LTBP1: variants seen among roughly 807,000 people sequenced by gnomAD.
LTBP1 encodes the protein latent-transforming growth factor beta-binding protein 1.
LTBP1 carries 129 observed loss-of-function variants against 207.6 expected under a neutral mutation model. The observed-to-expected ratio is 0.62, with a 90% confidence interval of 0.54 to 0.72. LTBP1 has a LOEUF of 0.72. Ranked by LOEUF, LTBP1 falls within the 30% of genes least tolerant of loss-of-function variation. The pLI, the probability that LTBP1 is intolerant of heterozygous loss-of-function variation, is 0.00. For synonymous variants in LTBP1, 963 were observed against 833.7 expected (o/e 1.16, Z -2.67); for missense variants, 2,281 against 2,217.2 (o/e 1.03, Z -0.58).
chr2:33,193,059 G>A (rs1015864649), intron 7 of LTBP1, among the ~76,000 whole-genome samples: 1 of 152,166 alleles, frequency 6.6e-6, no homozygotes, highest in African/African-American at 2.4e-5. Flanking sequence ...CATAGGAAAT[G>A]TCATTAGATG....
intron 5 of LTBP1, among the ~76,000 whole-genome samples, chr2:33,169,298 C>T (rs2085216985): frequency 6.6e-6 from 1 of 152,200 alleles, no homozygotes; most frequent in Non-Finnish European, 1.5e-5. Flanking sequence ...CCACCCGAAA[C>T]TGCCACATTA....
At chr2:33,238,049 T>C (rs565979895) in intron 9 of LTBP1, among the ~76,000 whole-genome samples, 3 of 152,052 alleles carry the variant, frequency 2.0e-5, no homozygotes, top group East Asian at 1.9e-4. Flanking sequence ...TTAAGAAATA[T>C]ATATATTGTC....
intron 31 of LTBP1, among the ~76,000 whole-genome samples, chr2:33,386,299 C>T (rs2095264897): frequency 6.6e-6 from 1 of 152,208 alleles, no homozygotes; most frequent in Non-Finnish European, 1.5e-5. Context: ...CCCTCACCTT[C>T]AGTCCTTTCC....
intron 2 of LTBP1, among the ~76,000 whole-genome samples, chr2:33,001,175 G>A (rs1016674200): frequency 7.4e-6 from 1 of 135,276 alleles, no homozygotes; most frequent in Non-Finnish European, 1.6e-5. Flanking sequence ...TCTGCCATTT[G>A]CCCCAATTAC....
At chr2:33,046,357 A>G (rs892293264) in intron 3 of LTBP1, among the ~76,000 whole-genome samples, 3 of 152,218 alleles carry the variant, frequency 2.0e-5, no homozygotes, top group Non-Finnish European at 4.4e-5. Flanking sequence ...CCTTTTCTGC[A>G]TCTATTGAGA....
intron 31 of LTBP1, among the ~76,000 whole-genome samples, chr2:33,376,041 A>C (rs193061059): frequency 6.6e-6 from 1 of 152,210 alleles, no homozygotes. Flanking sequence ...TTATTTCTAC[A>C]TATAAATTCT....
chr2:33,000,212 T>G (rs1275446195), intron 2 of LTBP1, among the ~76,000 whole-genome samples: 2 of 135,458 alleles, frequency 1.5e-5, no homozygotes, highest in Non-Finnish European at 3.3e-5. Flanking sequence ...CCAGCTCCTC[T>G]AATTCAGTAG....
chr2:33,309,665 TTA>T (rs1484547249), intron 23 of LTBP1, 109 bp downstream of exon 23: 3 of 1,290,100 alleles, frequency 2.3e-6, no homozygotes, highest in Non-Finnish European at 3.2e-6. Context: ...TGTAAATAAT[TTA>T]TGTCAATTTT....
intron 5 of LTBP1, among the ~76,000 whole-genome samples, chr2:33,160,463 T>C (rs79517316): frequency 5.5e-4 from 84 of 152,316 alleles, no homozygotes; most frequent in African/African-American, 1.9e-3. Context: ...TTCCAGGAGC[T>C]TGAATGCCTG....
At chr2:33,027,965 C>T (rs541397924) in intron 3 of LTBP1, among the ~76,000 whole-genome samples, 1 of 152,300 alleles carries the variant, frequency 6.6e-6, no homozygotes. Flanking sequence ...TTGATCATAT[C>T]ATTAGCTATT....
intron 2 of LTBP1, among the ~76,000 whole-genome samples, chr2:32,978,363 C>G (rs902973052): frequency 1.3e-5 from 2 of 152,040 alleles, no homozygotes; most frequent in Non-Finnish European, 2.9e-5. Flanking sequence ...TTATTGTACT[C>G]AGGTATGTTT....
chr2:33,135,415 C>T (rs142300376), intron 5 of LTBP1, among the ~76,000 whole-genome samples: 316 of 152,160 alleles, frequency 2.1e-3, no homozygotes, highest in Non-Finnish European at 2.0e-3. Flanking sequence ...AACAAAACTC[C>T]GAGGATTGTC....
At chr2:33,229,788 A>G (rs1380715048) in intron 9 of LTBP1, among the ~76,000 whole-genome samples, 4 of 152,190 alleles carry the variant, frequency 2.6e-5, no homozygotes, top group African/African-American at 9.7e-5. Flanking sequence ...CTGATGGTCT[A>G]CTGGTAACAC....
chr2:32,961,557 C>G (rs1679115207), intron 2 of LTBP1, among the ~76,000 whole-genome samples: 1 of 150,456 alleles, frequency 6.6e-6, no homozygotes, highest in South Asian at 2.1e-4. Context: ...TGTTCATCCC[C>G]CCCACCTCAA....
intron 2 of LTBP1, among the ~76,000 whole-genome samples, chr2:32,978,101 C>T (rs1171223664): frequency 6.6e-6 from 1 of 152,014 alleles, no homozygotes; most frequent in African/African-American, 2.4e-5. Context: ...TTTATTAGTT[C>T]TAATAGTTTT....
chr2:33,024,037 G>A (rs1454313), intron 3 of LTBP1, among the ~76,000 whole-genome samples: 136 of 152,204 alleles, frequency 8.9e-4, no homozygotes, highest in Admixed American at 3.4e-3. Context: ...TTAGTGTTAC[G>A]TTCATTGTGT....
intron 5 of LTBP1, among the ~76,000 whole-genome samples, chr2:33,178,261 C>T (rs899655062): frequency 1.3e-5 from 2 of 152,166 alleles, no homozygotes; most frequent in Non-Finnish European, 2.9e-5. Flanking sequence ...ACAATGACAG[C>T]ATCTGTGATG....
intron 7 of LTBP1, among the ~76,000 whole-genome samples, chr2:33,194,843 C>T (rs1345755683): frequency 6.6e-6 from 1 of 152,204 alleles, no homozygotes; most frequent in Non-Finnish European, 1.5e-5. Flanking sequence ...AGAGGACAGG[C>T]TGGCTCTCTT....
At chr2:33,023,697 G>A (rs1042870317) in intron 3 of LTBP1, among the ~76,000 whole-genome samples, 6 of 152,172 alleles carry the variant, frequency 3.9e-5, no homozygotes, top group East Asian at 3.8e-4. Context: ...AGATTAAGAT[G>A]TACAAGATCC....
Sources: gnomAD v4.1 joint callset for allele counts (sites outside exome capture counted in the v4.1 genomes callset) on GRCh38, gnomAD v4.1.1 for gene constraint, MANE v1.5 for transcripts, NCBI Gene and HGNC (gene_info 2026-07-23, HGNC 2026-07-21) for gene names.